C8B: variants seen among roughly 807,000 people sequenced by gnomAD.
The protein encoded by C8B is complement component C8 beta chain.
C8B carries 67 observed loss-of-function variants against 64.6 expected under a neutral mutation model. That is an observed-to-expected ratio of 1.04 (90% confidence interval 0.85 to 1.27). The LOEUF (loss-of-function observed/expected upper bound fraction) is 1.27. Ranked by LOEUF, C8B falls within the 50% of genes most tolerant of loss-of-function variation. C8B has a pLI of 0.00. For synonymous variants in C8B, 284 were observed against 257.7 expected, an observed-to-expected ratio of 1.10 and a Z score of -0.98; for missense variants, 790 against 725.2, an observed-to-expected ratio of 1.09 and a Z score of -1.03.
intron 9 of C8B, among the ~76,000 whole-genome samples, chr1:56,939,041 C>CCACAT (rs1454585179): frequency 2.0e-5 from 3 of 152,188 alleles, no homozygotes; most frequent in Non-Finnish European, 4.4e-5. Flanking sequence ...CTGACACATC[C>CCACAT]CACATCACAT....
rs780737106 is a variant in C8B, at chr1:56,940,879, C to A, written c.1368G>T (p.Val456=). The change falls in exon 9 of 12, where the codon GTG becomes GTT. Residue 456 remains valine (V), a synonymous_variant. Transcript: ENST00000371237. ...CTTTGATGATGGCTGGGTTGTACTG[C>A]ACAGCGTCTCCCCACTCCTGCATCA... The part of the protein sequence containing the change: ...ADLMQEWGDA[V]QYNPAIIKVK... 2 of 1,613,894 alleles carry A rather than the reference C, an allele frequency of 1.2e-6. No individual in the cohort carries two copies. The highest frequency in any genetic ancestry group is 3.3e-5 in the Admixed American group (2 of 59,984).
intron 8 of C8B, 21 bp downstream of exon 8, chr1:56,943,675 T>A: frequency 6.2e-7 from 1 of 1,613,826 alleles, no homozygotes; most frequent in Non-Finnish European, 8.5e-7. Context: ...AGTGTGGAAG[T>A]CACAAGCCCC....
chr1:56,959,378 C>A, intron 2 of C8B: 1 of 621,820 alleles, frequency 1.6e-6, no homozygotes, highest in Non-Finnish European at 2.9e-6. Flanking sequence ...TAATAAGGAG[C>A]TATCGAAGCT....
In C8B at chr1:56,942,887, T is replaced by G. The variant is rs563313675; in HGVS notation, c.1234+809A>C. ...AGAGTTTGAGACCAGCTGGGCAACA[T>G]GGCAAAACCCTGTCTCTGTAAAAAA... On this transcript the variant is annotated intron_variant, in intron 8 of 11. Transcript: ENST00000371237. Among the ~76,000 whole-genome samples, 26 of 151,626 alleles carry G rather than the reference T, an allele frequency of 1.7e-4. 1 individual carries two copies. The South Asian group carries it at 5.4e-3, about 32-fold the overall frequency.
chr1:56,949,465 A>T, intron 6 of C8B, 90 bp downstream of exon 6: 1 of 1,215,852 alleles, frequency 8.2e-7, no homozygotes, highest in Non-Finnish European at 1.2e-6. Context: ...TCTTTTCTTT[A>T]TAAATCATCC....
At chr1:56,936,023 A>G (rs568012433) in intron 9 of C8B, among the ~76,000 whole-genome samples, 2 of 152,220 alleles carry the variant, frequency 1.3e-5, no homozygotes, top group African/African-American at 4.8e-5. Flanking sequence ...ATGAGCCACA[A>G]TGTATTCAAC....
chr1:56,958,880 C>G (rs978069196), intron 2 of C8B, among the ~76,000 whole-genome samples: 1 of 152,226 alleles, frequency 6.6e-6, no homozygotes, highest in Non-Finnish European at 1.5e-5. Flanking sequence ...TCTTTAGAGT[C>G]TAAGCCCATG....
rs775893210 is a variant in C8B at position 56,946,053 on chromosome 1, T to C, written c.873A>G (p.Val291=). The C allele has an allele frequency of 1.9e-6, 3 of 1,614,110 alleles. No homozygotes were observed. The highest frequency in any genetic ancestry group is 2.5e-6 in the Non-Finnish European group (3 of 1,180,000). Residue 291 remains valine, a synonymous_variant, in exon 7 of 12, where the codon GTA becomes GTG. Transcript: ENST00000371237. ...RTKRFSHTKS[V]FLHARSDLEV... is the part of the protein sequence containing the mutation. ...CAAGGTCAGAGCGTGCATGCAGAAATACGCTTTTCTAAATGAAATACCAAC... is the reference window on the plus strand; with the variant it reads ...CAAGGTCAGAGCGTGCATGCAGAAACACGCTTTTCTAAATGAAATACCAAC...
At chr1:56,963,383 A>T (rs1645205573) in intron 1 of C8B, among the ~76,000 whole-genome samples, 1 of 152,332 alleles carries the variant, frequency 6.6e-6, no homozygotes, top group South Asian at 2.1e-4. Flanking sequence ...AAGCAGCTGC[A>T]TCCCCTTTGC....
intron 6 of C8B, 83 bp from the exon 7 acceptor site, chr1:56,946,144 C>A: frequency 6.5e-7 from 1 of 1,535,736 alleles, no homozygotes; most frequent in Non-Finnish European, 8.9e-7. Flanking sequence ...AAATACCATC[C>A]GATGTTCTTG....
At chr1:56,959,666 C>T (rs1645149083) in intron 2 of C8B, 2 of 1,508,980 alleles carry the variant, frequency 1.3e-6, no homozygotes, top group Admixed American at 2.0e-5. Context: ...TCCTAAGGGT[C>T]ATGGGTAGAC....
Position 56,965,978 on chromosome 1 carries a change from G to A in C8B, c.-30C>T, listed in dbSNP as rs1040951024. ...CCAATGTGACAGGAGATGCCACAGA[G>A]GCTGCTAGACCCATAACAAGCCTGT... On this transcript the variant is annotated 5_prime_UTR_variant, in exon 1 of 12. Transcript: ENST00000371237. The A allele has an allele frequency of 6.2e-7, 1 of 1,613,110 alleles. No individual in the cohort carries two copies. The highest frequency in any genetic ancestry group is 8.5e-7 in the Non-Finnish European group (1 of 1,179,982).
chr1:56,952,538 G>C (rs925760310), intron 4 of C8B, among the ~76,000 whole-genome samples: 3 of 152,158 alleles, frequency 2.0e-5, no homozygotes, highest in African/African-American at 7.2e-5. Context: ...TGACACTTGT[G>C]GTGCTTGAAG....
chr1:56,955,880 T>G (rs1645095644), intron 3 of C8B, among the ~76,000 whole-genome samples: 1 of 152,212 alleles, frequency 6.6e-6, no homozygotes, highest in Non-Finnish European at 1.5e-5. Context: ...CAAAATATTC[T>G]CATTTTTGCT....
chr1:56,941,398 A>G (rs1644852737), intron 8 of C8B, among the ~76,000 whole-genome samples: 1 of 152,150 alleles, frequency 6.6e-6, no homozygotes, highest in Non-Finnish European at 1.5e-5. Flanking sequence ...AGGAAGATAG[A>G]TGATAGGTAA....
intron 1 of C8B, among the ~76,000 whole-genome samples, chr1:56,962,642 A>G (rs1645194464): frequency 6.6e-6 from 1 of 152,228 alleles, no homozygotes; most frequent in Non-Finnish European, 1.5e-5. Context: ...ACTCACATCC[A>G]GATTGGCAGT....
intron 9 of C8B, 106 bp downstream of exon 9, chr1:56,940,743 G>A (rs1644839470): frequency 7.9e-7 from 1 of 1,271,288 alleles, no homozygotes. Flanking sequence ...CCCAAAATTA[G>A]GGCCTGGGTC....
chr1:56,958,752 T>A (rs779502673), intron 2 of C8B, among the ~76,000 whole-genome samples: 2 of 152,178 alleles, frequency 1.3e-5, no homozygotes, highest in Non-Finnish European at 2.9e-5. Context: ...ATCCAGATAA[T>A]TGGATCAATG....
intron 11 of C8B, 115 bp from the exon 12 acceptor site, chr1:56,929,673 C>T (rs1215150257): frequency 2.8e-5 from 27 of 952,720 alleles, no homozygotes; most frequent in Non-Finnish European, 4.5e-5. Context: ...TCTCTGAGCT[C>T]CCTGCTGCCA....
Sources: gnomAD v4.1 joint callset for allele counts (sites outside exome capture counted in the v4.1 genomes callset) on GRCh38, gnomAD v4.1.1 for gene constraint, MANE v1.5 for transcripts, NCBI Gene and HGNC (gene_info 2026-07-23, HGNC 2026-07-21) for gene names.